HEATR5B: variants seen among roughly 807,000 people sequenced by gnomAD.
HEATR5B encodes the protein HEAT repeat containing 5B, also known as HEAT repeat-containing protein 5B.
A neutral mutation model predicts 224.1 loss-of-function variants in HEATR5B; 156 were observed. The ratio of observed to expected loss-of-function variants is 0.70; its 90% CI spans 0.61 to 0.80. The LOEUF (loss-of-function observed/expected upper bound fraction) is 0.80. HEATR5B is among the 30% of genes least tolerant of loss of function. The pLI, the probability that HEATR5B is intolerant of heterozygous loss-of-function variation, is 0.00. For missense variants in HEATR5B, 2,323 were observed against 2,535.5 expected, an observed-to-expected ratio of 0.92 and a Z score of 1.80; for synonymous variants, 1,027 against 893.0, an observed-to-expected ratio of 1.15 and a Z score of -2.68.
At chr2:37,081,369 T>C (rs6709976) in intron 2 of HEATR5B, among the ~76,000 whole-genome samples, 141,594 of 152,226 alleles carry the variant, frequency 0.93, 66,699 homozygotes, top group East Asian at 1. Flanking sequence ...TCTATAGAAA[T>C]TCCATTAAAA....
rs912842324 is a variant in HEATR5B at position 37,056,444 on chromosome 2, G to A, written c.2395C>T (p.His799Tyr). ...CCTGATTGACTTTATACTAACCGGTGTTTATAAGAAACATGAGGAAACACT... is the reference window on the plus strand; with the variant it reads ...CCTGATTGACTTTATACTAACCGGTATTTATAAGAAACATGAGGAAACACT... ...GVVFPHVSYK[H>Y]RLQMLDHFAE... The change falls in exon 16 of 36, where the codon CAC becomes TAC. Residue 799 changes from histidine to tyrosine, a missense_variant. By Grantham distance (83) the His-to-Tyr change is moderately conservative. Transcript: ENST00000233099. 3.1e-6 allele frequency: 5 copies of A among 1,595,138 alleles called. No individual in the cohort carries two copies. In the African/African-American group the frequency reaches 4.1e-5, roughly 13 times the overall value.
At chr2:37,040,750 G>A (rs1355255131) in intron 19 of HEATR5B, among the ~76,000 whole-genome samples, 7 of 151,662 alleles carry the variant, frequency 4.6e-5, no homozygotes, top group Admixed American at 4.6e-4. Flanking sequence ...ATATTCAAAG[G>A]GTCCACAAGA....
intron 35 of HEATR5B, among the ~76,000 whole-genome samples, chr2:36,985,080 C>A (rs547832141): frequency 3.1e-3 from 479 of 152,170 alleles, no homozygotes; most frequent in South Asian, 0.017. Context: ...AAGTTGACAA[C>A]AAAATTAACA....
chr2:37,058,398 G>T (rs1428307195), intron 14 of HEATR5B, 53 bp downstream of exon 14: 1 of 1,012,200 alleles, frequency 9.9e-7, no homozygotes, highest in Non-Finnish European at 1.6e-6. Flanking sequence ...CTATAATACG[G>T]TGAAGAATTG....
intron 17 of HEATR5B, 96 bp from the exon 18 acceptor site, chr2:37,049,939 G>T: frequency 8.6e-7 from 1 of 1,166,088 alleles, no homozygotes; most frequent in Non-Finnish European, 1.2e-6. Flanking sequence ...TGCCCAGGCT[G>T]GAGTGCAATG....
Position 37,000,804 on chromosome 2 carries a change from G to A in HEATR5B, c.5327C>T (p.Thr1776Ile). ...PSLCSPAGCM[T>I]ILPTILFLIA... is the part of the protein sequence containing the mutation. ...TAAGAACAGAATTGTGGGCAGGATT[G>A]TCATACATCCTGAAAGAAAAACAAA... Residue 1776 changes from threonine to isoleucine, a missense_variant, in exon 33 of 36, where the codon ACA (threonine) becomes ATA (isoleucine). Physicochemically the swap from Thr to Ile is moderately conservative, Grantham distance 89. Around this residue, in one of 12 missense-constraint regions of HEATR5B, gnomAD observed 844 missense variants for 812.9 expected, o/e 1.04. Transcript: ENST00000233099. The A allele has an allele frequency of 6.2e-7, 1 of 1,609,194 alleles. No individual in the cohort carries two copies.
At chr2:37,066,635 G>A (rs1352842409) in intron 8 of HEATR5B, among the ~76,000 whole-genome samples, 4 of 151,832 alleles carry the variant, frequency 2.6e-5, no homozygotes, top group Non-Finnish European at 5.9e-5. Flanking sequence ...ACCAAAGATC[G>A]CTTGCCAAAC....
chr2:37,014,310 T>C (rs1292178133), intron 26 of HEATR5B, among the ~76,000 whole-genome samples: 1 of 151,790 alleles, frequency 6.6e-6, no homozygotes, highest in African/African-American at 2.4e-5. Flanking sequence ...TACAGGCGCG[T>C]GCCACCACAC....
chr2:37,041,902 TAA>T (rs1200381020), intron 18 of HEATR5B, among the ~76,000 whole-genome samples: 2 of 151,862 alleles, frequency 1.3e-5, no homozygotes, highest in Non-Finnish European at 2.9e-5. Flanking sequence ...TTTATATTTT[TAA>T]AAAACAAAAT....
chr2:37,030,005 C>T (rs1313041683), intron 22 of HEATR5B, among the ~76,000 whole-genome samples: 1 of 150,560 alleles, frequency 6.6e-6, no homozygotes, highest in Admixed American at 6.6e-5. Context: ...GTAACAACAA[C>T]CAAAAAGCAA....
At chr2:37,053,371 A>C (rs532134550) in intron 17 of HEATR5B, 131 bp downstream of exon 17, 14 of 431,378 alleles carry the variant, frequency 3.2e-5, no homozygotes, top group African/African-American at 2.8e-4. Context: ...AAGTAATTTA[A>C]CTAAGCTAAC....
chr2:36,991,942 G>A (rs1371605783), intron 33 of HEATR5B, among the ~76,000 whole-genome samples: 1 of 152,146 alleles, frequency 6.6e-6, no homozygotes, highest in East Asian at 1.9e-4. Flanking sequence ...TAAAAAAAGA[G>A]ATGTCGGCTG....
chr2:37,007,338 T>TTTTTTTTC, intron 28 of HEATR5B, 34 bp from the exon 29 acceptor site: 2 of 151,470 alleles, frequency 1.3e-5, no homozygotes. Context: ...AAAACATTAC[T>TTTTTTTTC]TTTTTTTTTT....
intron 2 of HEATR5B, among the ~76,000 whole-genome samples, chr2:37,082,525 TGA>T (rs1672649887): frequency 6.6e-6 from 1 of 152,176 alleles, no homozygotes; most frequent in African/African-American, 2.4e-5. Context: ...GAAACCCGAA[TGA>T]GGGCAAGGAA....
intron 8 of HEATR5B, 45 bp from the exon 9 acceptor site, chr2:37,065,955 T>C: frequency 6.4e-6 from 10 of 1,556,612 alleles, no homozygotes; most frequent in Non-Finnish European, 8.8e-6. Flanking sequence ...AAATGAATTG[T>C]GGTATGATTT....
At chr2:37,062,244 C>A (rs928322207) in intron 10 of HEATR5B, among the ~76,000 whole-genome samples, 194 bp from the exon 11 acceptor site, 3 of 151,894 alleles carry the variant, frequency 2.0e-5, no homozygotes, top group Non-Finnish European at 4.4e-5. Flanking sequence ...CTGGGCAACA[C>A]GGTGAAACCC....
chr2:37,061,918 C>A (rs1184101002), intron 11 of HEATR5B, 21 bp downstream of exon 11: 1 of 1,465,500 alleles, frequency 6.8e-7, no homozygotes, highest in East Asian at 2.3e-5. Context: ...TGACAAAAAT[C>A]CTACTCAAAT....
chr2:37,020,941 A>G (rs1259999126), intron 24 of HEATR5B, 105 bp from the exon 25 acceptor site: 30 of 652,148 alleles, frequency 4.6e-5, no homozygotes, highest in Non-Finnish European at 7.4e-5. Context: ...CACAATCCAC[A>G]TATTTCACAA....
At chr2:37,044,876 A>G (rs947136943) in intron 18 of HEATR5B, among the ~76,000 whole-genome samples, 2 of 152,142 alleles carry the variant, frequency 1.3e-5, no homozygotes, top group African/African-American at 4.8e-5. Context: ...GATAGTTTCT[A>G]TGTCTTCAAC....
Sources: allele counts gnomAD v4.1 joint callset (sites outside exome capture counted in the v4.1 genomes callset), GRCh38; gene constraint gnomAD v4.1.1; regional missense constraint gnomAD v4.1.1; transcripts MANE v1.5; gene names NCBI Gene and HGNC (gene_info 2026-07-23, HGNC 2026-07-21).